Variants in PHC3 observed in about 807,000 individuals in gnomAD.
PHC3 encodes polyhomeotic homolog 3, also known as polyhomeotic-like protein 3.
Under a neutral mutation model 107.4 loss-of-function variants are expected in PHC3, and 13 were observed. That is an observed-to-expected ratio of 0.12 (90% CI 0.08 to 0.19). The LOEUF (loss-of-function observed/expected upper bound fraction) is 0.19. Among genes scored for constraint, PHC3 ranks in the 10% least tolerant of loss-of-function variants. PHC3 has a pLI of 1.00. For missense variants in PHC3, 992 were observed against 1,210.9 expected (o/e 0.82, Z 2.68); for synonymous variants, 456 against 427.4 (o/e 1.07, Z -0.83).
chr3:170,168,869 T>C (rs984911888), intron 4 of PHC3, among the ~76,000 whole-genome samples: 1 of 151,816 alleles, frequency 6.6e-6, no homozygotes, highest in East Asian at 1.9e-4. Flanking sequence ...ACCTATACAT[T>C]CAATTAACAA....
chr3:170,112,361 C>G (rs1378935231), intron 11 of PHC3, among the ~76,000 whole-genome samples: 2 of 150,638 alleles, frequency 1.3e-5, no homozygotes, highest in Non-Finnish European at 2.9e-5. Flanking sequence ...CAGGCACACA[C>G]CACCAGGCCC....
rs984444899 is a variant in PHC3 at position 170,130,252 on chromosome 3, C to CA, written c.920-701dup. On this transcript the variant is annotated intron_variant, in intron 7 of 14. Coordinates refer to ENST00000495893, the MANE Select transcript of PHC3 (RefSeq NM_024947.4). ...AGTATAACATATATAAAGATAACTT[C>CA]AAAATCATAAAAATACTATATTAAA... 3.3e-5 allele frequency among the ~76,000 whole-genome samples: 5 copies of CA among 152,214 alleles called. No individual in the cohort carries two copies. In the South Asian group the frequency reaches 6.2e-4, roughly 19 times the overall value.
At chr3:170,153,042 T>C (rs1203563631) in intron 4 of PHC3, among the ~76,000 whole-genome samples, 1 of 152,240 alleles carries the variant, frequency 6.6e-6, no homozygotes, top group African/African-American at 2.4e-5. Flanking sequence ...CTCTTGATTC[T>C]TAACTATAAA....
intron 4 of PHC3, among the ~76,000 whole-genome samples, chr3:170,158,829 A>G (rs1727345373): frequency 6.6e-6 from 1 of 151,310 alleles, no homozygotes; most frequent in African/African-American, 2.4e-5. Flanking sequence ...TGAAGGGCTG[A>G]GCAGGGAGGA....
intron 2 of PHC3, among the ~76,000 whole-genome samples, chr3:170,173,497 G>C (rs994651921): frequency 1.3e-5 from 2 of 152,186 alleles, no homozygotes; most frequent in Non-Finnish European, 2.9e-5. Context: ...ATAACAAATA[G>C]TAATGTAGAT....
chr3:170,164,614 A>G (rs1441138410), intron 4 of PHC3, among the ~76,000 whole-genome samples: 1 of 152,192 alleles, frequency 6.6e-6, no homozygotes, highest in East Asian at 1.9e-4. Flanking sequence ...AGACCCCAAA[A>G]GGTAAAGGAA....
intron 4 of PHC3, among the ~76,000 whole-genome samples, chr3:170,156,675 G>A (rs1239530012): frequency 6.6e-6 from 1 of 151,656 alleles, no homozygotes; most frequent in East Asian, 1.9e-4. Flanking sequence ...TTGGCTCACT[G>A]CAAACTCCGC....
intron 4 of PHC3, chr3:170,150,555 T>C (rs372516770): frequency 0.017 from 1,619 of 96,102 alleles, 36 homozygotes; most frequent in African/African-American, 0.062. Context: ...AAAAAAAAAA[T>C]TAAAAAAATT....
At chr3:170,143,323 G>T (rs561841024) in intron 6 of PHC3, among the ~76,000 whole-genome samples, 50 of 151,998 alleles carry the variant, frequency 3.3e-4, no homozygotes, top group Non-Finnish European at 5.4e-4. Context: ...ATAAATACGG[G>T]GGAAAAAAAG....
Position 170,097,159 on chromosome 3 carries a change from G to A in PHC3, c.*71C>T. On this transcript the variant is annotated 3_prime_UTR_variant, in exon 15 of 15. Coordinates refer to ENST00000495893, the MANE Select transcript of PHC3 (RefSeq NM_024947.4). The surrounding 1 kb of genome is among the most constrained non-coding windows in gnomAD (Gnocchi z 4.1). ...CAATAAGTGTCATATTCTAGACCAA[G>A]TTAGGCCTTTACCTTACAAGTTTTT... 6.8e-7 allele frequency: 1 copy of A among 1,480,822 alleles called. No homozygotes were observed. The highest frequency in any genetic ancestry group is 9.1e-7 in the Non-Finnish European group (1 of 1,096,594). 91.7% of individuals were successfully genotyped at this position (1,480,822 alleles called of 1,614,324 possible).
chr3:170,128,860 C>T lies in PHC3; in HGVS notation c.1612G>A (p.Val538Met), dbSNP rs746292035. The change falls in exon 8 of 15, where the codon GTG becomes ATG. Residue 538 changes from valine to methionine, a missense_variant. By Grantham distance (21) the Val-to-Met change is conservative. Transcript: ENST00000495893. ...CCCTGGGACAGAATTTCAGGCTGCA[C>T]TTGTAAAGACTGCATAGACTGCAAG... is the stretch of plus-strand genomic sequence containing the variant. ...LPLQSMQSLQ[V>M]QPEILSQGQV... 6.2e-7 allele frequency: 1 copy of T among 1,613,998 alleles called. No individual in the cohort carries two copies. Among genetic ancestry groups the T allele is most frequent in the South Asian group, 1.1e-5 (1 of 91,086 alleles).
At chr3:170,129,693 G>GAA in intron 7 of PHC3, 141 bp from the exon 8 acceptor site, 23 of 798,788 alleles carry the variant, frequency 2.9e-5, no homozygotes, top group Admixed American at 6.7e-5. Flanking sequence ...AGAGTAATTT[G>GAA]AAAAAAAAAA....
At chr3:170,139,587 A>G in intron 6 of PHC3, among the ~76,000 whole-genome samples, 1 of 152,128 alleles carries the variant, frequency 6.6e-6, no homozygotes, top group East Asian at 1.9e-4. Context: ...TTTGTTTTTA[A>G]TTTTCCTTTT....
chr3:170,145,327 C>T, intron 6 of PHC3, 96 bp downstream of exon 6: 1 of 912,560 alleles, frequency 1.1e-6, no homozygotes, highest in Non-Finnish European at 1.6e-6. Flanking sequence ...ACAAAGAGCA[C>T]TGAAACCATC....
chr3:170,148,167 G>A (rs551997757), intron 5 of PHC3: 1 of 152,350 alleles, frequency 6.6e-6, no homozygotes, highest in African/African-American at 2.4e-5. Context: ...TACTTGGGAG[G>A]CTGAGGTGGG....
intron 4 of PHC3, among the ~76,000 whole-genome samples, chr3:170,168,185 T>G (rs7636410): frequency 2.0e-5 from 3 of 150,826 alleles, no homozygotes; most frequent in Admixed American, 6.6e-5. Context: ...AAAGGCAAAG[T>G]CAAAGGGAAA....
chr3:170,165,846 T>C (rs1363652061), intron 4 of PHC3, among the ~76,000 whole-genome samples: 1 of 148,774 alleles, frequency 6.7e-6, no homozygotes, highest in African/African-American at 2.5e-5. Flanking sequence ...CATGCACCTA[T>C]AGTTCCAGCT....
intron 6 of PHC3, among the ~76,000 whole-genome samples, chr3:170,142,581 C>T (rs1404034542): frequency 2.0e-5 from 3 of 152,118 alleles, no homozygotes; most frequent in Non-Finnish European, 4.4e-5. Context: ...GCAACTTGTC[C>T]AAGTCATACA....
intron 14 of PHC3, among the ~76,000 whole-genome samples, chr3:170,100,145 G>A (rs1457735551): frequency 6.6e-6 from 1 of 152,110 alleles, no homozygotes; most frequent in Non-Finnish European, 1.5e-5. Context: ...GAAAACTGGA[G>A]GAGTAAATAT....
Sources: allele counts gnomAD v4.1 joint callset (sites outside exome capture counted in the v4.1 genomes callset), GRCh38; gene constraint gnomAD v4.1.1; non-coding constraint Gnocchi (gnomAD v3.1); transcripts MANE v1.5; gene names NCBI Gene and HGNC (gene_info 2026-07-23, HGNC 2026-07-21).